Variants in RNF220 observed in about 807,000 individuals in gnomAD.
RNF220 encodes E3 ubiquitin-protein ligase RNF220.
Under a neutral mutation model 67.1 loss-of-function variants are expected in RNF220, and 7 were observed. The observed-to-expected ratio is 0.10, with a 90% CI of 0.06 to 0.20. RNF220 has a LOEUF of 0.20. Among genes scored for constraint, RNF220 ranks in the 10% least tolerant of loss-of-function variants. The pLI is 1.00. For synonymous variants in RNF220, 270 were observed against 283.2 expected (o/e 0.95, Z 0.47); for missense variants, 565 against 740.3 (o/e 0.76, Z 2.75).
chr1:44,640,579 C>T (rs1194669589), intron 8 of RNF220, among the ~76,000 whole-genome samples: 4 of 152,224 alleles, frequency 2.6e-5, no homozygotes, highest in South Asian at 4.1e-4. Flanking sequence ...TCTCTCCTGA[C>T]GTGAGGCAGT....
intron 2 of RNF220, among the ~76,000 whole-genome samples, chr1:44,524,261 C>G (rs1197521655): frequency 6.6e-6 from 1 of 152,156 alleles, no homozygotes; most frequent in Non-Finnish European, 1.5e-5. Context: ...GCCGCCACCG[C>G]CTCTGCTGGC....
intron 2 of RNF220, among the ~76,000 whole-genome samples, chr1:44,597,712 C>G (rs1666618483): frequency 6.6e-6 from 1 of 151,910 alleles, no homozygotes; most frequent in African/African-American, 2.4e-5. Context: ...TCATAGAAGC[C>G]TCTCACATGC....
intron 2 of RNF220, among the ~76,000 whole-genome samples, chr1:44,595,343 C>G (rs1196098039): frequency 6.6e-6 from 1 of 152,190 alleles, no homozygotes; most frequent in Non-Finnish European, 1.5e-5. Flanking sequence ...CCTAGGCCAC[C>G]CCCTCCAGGA....
At chr1:44,573,311 G>T (rs927273699) in intron 2 of RNF220, among the ~76,000 whole-genome samples, 11 of 152,216 alleles carry the variant, frequency 7.2e-5, no homozygotes, top group Non-Finnish European at 1.5e-4. Flanking sequence ...CTTTGAAGGA[G>T]AGTTGCATGG....
intron 2 of RNF220, among the ~76,000 whole-genome samples, chr1:44,501,513 G>A (rs943775985): frequency 1.3e-5 from 2 of 149,022 alleles, no homozygotes; most frequent in African/African-American, 5.2e-5. Context: ...GGCCCAGGTG[G>A]AGGAAGGCTG....
At chr1:44,424,876 G>C (rs1264813367) in intron 2 of RNF220, among the ~76,000 whole-genome samples, 2 of 152,246 alleles carry the variant, frequency 1.3e-5, no homozygotes, top group African/African-American at 2.4e-5. Flanking sequence ...GTGCCCCTTG[G>C]GCTCCAGCCC....
chr1:44,559,569 T>A (rs1467500573), intron 2 of RNF220, among the ~76,000 whole-genome samples: 1 of 152,198 alleles, frequency 6.6e-6, no homozygotes, highest in Non-Finnish European at 1.5e-5. Flanking sequence ...CCAGCGGTGA[T>A]GCAGGGGGCA....
In RNF220 at chr1:44,649,925, G is replaced by A. The variant is rs1644745697; in HGVS notation, c.1597G>A (p.Val533Met). 3.7e-6 allele frequency: 6 copies of A among 1,613,972 alleles called. No individual in the cohort carries two copies. The highest frequency in any genetic ancestry group is 1.1e-5 in the South Asian group (1 of 91,080). The change falls in exon 14 of 15, where the codon GTG becomes ATG. Residue 533 changes from valine to methionine, a missense_variant. Transcript: ENST00000361799. This position sits in a 1 kb window ranked among gnomAD's most constrained non-coding sequence, Gnocchi z 5.9. Reference sequence around the variant, plus strand: ...CCTAACGTCCATCCAGTGTTGGCACGTGCACTGCGAGGAGTGCTGGCTGCG... The same window carrying A: ...CCTAACGTCCATCCAGTGTTGGCACATGCACTGCGAGGAGTGCTGGCTGCG... ...MPLTSIQCWH[V>M]HCEECWLRTL...
At chr1:44,498,695 T>G (rs1221165959) in intron 2 of RNF220, among the ~76,000 whole-genome samples, 3 of 152,072 alleles carry the variant, frequency 2.0e-5, no homozygotes, top group Non-Finnish European at 2.9e-5. Context: ...ATTCTCAAAC[T>G]TACTATCATC....
intron 2 of RNF220, among the ~76,000 whole-genome samples, chr1:44,576,767 C>T (rs1253799443): frequency 2.0e-5 from 3 of 152,160 alleles, no homozygotes; most frequent in Non-Finnish European, 4.4e-5. Flanking sequence ...CCAGTTTTTT[C>T]GTCTCTGACT....
intron 8 of RNF220, chr1:44,638,228 C>CGCCGGGCGGGCCGGGCTGCAA (rs1644385588): frequency 6.6e-6 from 1 of 152,274 alleles, no homozygotes; most frequent in African/African-American, 2.4e-5. Flanking sequence ...ATTGATCGCC[C>CGCCGGGCGGGCCGGGCTGCAA]GCCGGGCGGG....
chr1:44,495,107 G>A lies in RNF220; in HGVS notation c.625+82385G>A, dbSNP rs867325435. Among the ~76,000 whole-genome samples, 8 of 152,236 alleles carry A rather than the reference G, an allele frequency of 5.3e-5. No individual in the cohort carries two copies. In the East Asian group the frequency reaches 5.8e-4, roughly 11 times the overall value. ...ACACACCTGTAGTCCCAGCTACTCC[G>A]GAGGCTGAGGTGGGAGGATCACTTG... On this transcript the variant is annotated intron_variant, in intron 2 of 14. Coordinates refer to ENST00000361799, the MANE Select transcript of RNF220 (RefSeq NM_018150.4).
At chr1:44,570,176 G>A (rs534003379) in intron 2 of RNF220, among the ~76,000 whole-genome samples, 13 of 152,334 alleles carry the variant, frequency 8.5e-5, no homozygotes, top group Admixed American at 7.2e-4. Flanking sequence ...TAGTGCCTGT[G>A]CTTTTCCATC....
intron 2 of RNF220, among the ~76,000 whole-genome samples, chr1:44,542,877 T>C (rs1441619950): frequency 6.6e-6 from 1 of 152,114 alleles, no homozygotes; most frequent in East Asian, 1.9e-4. Context: ...GTGGTTACCT[T>C]GAGTGGGGCT....
chr1:44,625,282 C>T lies in RNF220; in HGVS notation c.805-1015C>T, dbSNP rs112235551. Among the ~76,000 whole-genome samples, 592 of 152,354 alleles carry T rather than the reference C, an allele frequency of 3.9e-3. 8 individuals carry two copies. The highest frequency in any genetic ancestry group is 0.013 in the African/African-American group (554 of 41,574). On this transcript the variant is annotated intron_variant, in intron 4 of 14. Transcript: ENST00000361799. ...GAATCCCATGCAGGCCCTTTCCAGC[C>T]TCTTCTCTCCTCCAGCTCCTGGGGT...
intron 2 of RNF220, among the ~76,000 whole-genome samples, chr1:44,462,399 G>A (rs1456076947): frequency 2.0e-5 from 3 of 152,172 alleles, no homozygotes; most frequent in Non-Finnish European, 4.4e-5. Context: ...CTCATAATAT[G>A]TCGCTATAAC....
intron 2 of RNF220, among the ~76,000 whole-genome samples, chr1:44,529,641 G>C (rs1470461500): frequency 6.6e-6 from 1 of 152,130 alleles, no homozygotes; most frequent in African/African-American, 2.4e-5. Context: ...CTCCCAAAGT[G>C]CTGGGATTAC....
chr1:44,452,699 G>A (rs1252224260), intron 2 of RNF220, among the ~76,000 whole-genome samples: 1 of 152,066 alleles, frequency 6.6e-6, no homozygotes, highest in East Asian at 1.9e-4. Context: ...TCGAACTCCT[G>A]ACCTCAAGTG....
In RNF220 at chr1:44,649,801, G is replaced by A. The variant is rs1557482976; in HGVS notation, c.1554+32G>A. 6.2e-7 allele frequency: 1 copy of A among 1,613,732 alleles called. No homozygotes were observed. The highest frequency in any genetic ancestry group is 2.2e-5 in the East Asian group (1 of 44,874). Reference sequence around the variant, plus strand: ...AGAAAAGAACCTAGGGGTGCCCTTGGTCAGGCTTCCACGCCCTCTGGGGGA... The same window carrying A: ...AGAAAAGAACCTAGGGGTGCCCTTGATCAGGCTTCCACGCCCTCTGGGGGA... On this transcript the variant is annotated intron_variant, in intron 13 of 14. Coordinates refer to ENST00000361799, the MANE Select transcript of RNF220 (RefSeq NM_018150.4). The surrounding 1 kb of genome is among the most constrained non-coding windows in gnomAD (Gnocchi z 5.9).
Sources: allele counts gnomAD v4.1 joint callset (sites outside exome capture counted in the v4.1 genomes callset), GRCh38; gene constraint gnomAD v4.1.1; non-coding constraint Gnocchi (gnomAD v3.1); transcripts MANE v1.5; gene names NCBI Gene and HGNC (gene_info 2026-07-23, HGNC 2026-07-21).